IL1RN: variants seen among roughly 807,000 people sequenced by gnomAD.
IL1RN encodes the protein interleukin 1 receptor antagonist.
A neutral mutation model predicts 13.7 loss-of-function variants in IL1RN; 10 were observed. The observed-to-expected ratio is 0.73, with a 90% CI of 0.45 to 1.24. The LOEUF is 1.24. Among genes scored for constraint, IL1RN ranks in the 50% most tolerant of loss-of-function variants. The probability of loss-of-function intolerance (pLI) is 0.00; values close to 1 mark genes in which losing one functional copy is unlikely to be tolerated. For missense variants in IL1RN, 213 were observed against 222.1 expected (o/e 0.96, Z 0.26); for synonymous variants, 102 against 82.7 (o/e 1.23, Z -1.27).
rs928940 is a variant in IL1RN at position 113,119,918 on chromosome 2, G to T, written c.11-148G>T. Reference sequence around the variant, plus strand: ...AGAAAAGTTGACGGGGTGCATACTCGGACTGGAAACTGGAAGGGTGAGAAC... The same window carrying T: ...AGAAAAGTTGACGGGGTGCATACTCTGACTGGAAACTGGAAGGGTGAGAAC... On this transcript the variant is annotated intron_variant, in intron 1 of 5. Transcript: ENST00000259206. 0.82 allele frequency: 582,676 copies of T among 713,060 alleles called. 243,236 individuals are homozygous for T. The highest frequency in any genetic ancestry group is 0.88 in the South Asian group (56,139 of 63,546). 44.2% of individuals were successfully genotyped at this position (713,060 alleles called of 1,614,324 possible).
upstream of IL1RN, among the ~76,000 whole-genome samples, chr2:113,124,921 G>A (rs1389269264): frequency 2.0e-5 from 3 of 152,170 alleles, no homozygotes; most frequent in Non-Finnish European, 2.9e-5. Flanking sequence ...GGAGCCCCGA[G>A]CGTCTTTTCT....
At chr2:113,109,997 G>A (rs1686467982), upstream of IL1RN, among the ~76,000 whole-genome samples, 1 of 152,138 alleles carries the variant, frequency 6.6e-6, no homozygotes, top group Non-Finnish European at 1.5e-5. Flanking sequence ...CACCTCACCT[G>A]GAGACCTACT....
At chr2:113,128,753 T>A (rs924167486) in intron 1 of IL1RN, among the ~76,000 whole-genome samples, 1 of 152,150 alleles carries the variant, frequency 6.6e-6, no homozygotes, top group East Asian at 1.9e-4. Context: ...TGGGTACAGT[T>A]AGCCACACTT....
chr2:113,117,778 T>A, upstream of IL1RN: 1 of 598,802 alleles, frequency 1.7e-6, no homozygotes, highest in Non-Finnish European at 3.0e-6. Context: ...TGGGCCTGCT[T>A]GGCATCAAGT....
chr2:113,119,966 A>T, intron 1 of IL1RN: 2 of 902,358 alleles, frequency 2.2e-6, no homozygotes, highest in Non-Finnish European at 3.6e-6. Context: ...ATAGAGATGG[A>T]ACCATGTGCA....
upstream of IL1RN, among the ~76,000 whole-genome samples, chr2:113,106,889 T>A (rs1017897561): frequency 4.9e-5 from 5 of 102,356 alleles, no homozygotes; most frequent in Non-Finnish European, 9.6e-5. Context: ...ACTGGCATAT[T>A]TGAGAAAGAA....
At chr2:113,100,618 G>A in the IL1RN span, among the ~76,000 whole-genome samples, 1 of 152,184 alleles carries the variant, frequency 6.6e-6, no homozygotes, top group African/African-American at 2.4e-5. Context: ...TCGCACAGAT[G>A]CAGAAACTGA....
upstream of IL1RN, among the ~76,000 whole-genome samples, chr2:113,125,622 T>C (rs186690585): frequency 3.8e-4 from 58 of 152,332 alleles, no homozygotes; most frequent in Non-Finnish European, 7.1e-4. Flanking sequence ...ACACAAAGTG[T>C]TTGATTCTGA....
chr2:113,105,261 G>C (rs1404569923), upstream of IL1RN, among the ~76,000 whole-genome samples: 1 of 152,180 alleles, frequency 6.6e-6, no homozygotes, highest in Non-Finnish European at 1.5e-5. Context: ...AGGGGCTACT[G>C]CTAGCCTAGC....
At chr2:113,117,764 A>T, upstream of IL1RN, 1 of 593,874 alleles carries the variant, frequency 1.7e-6, no homozygotes, top group Non-Finnish European at 3.0e-6. Context: ...ACCCTCCTGG[A>T]AACTGGGCCT....
intron 1 of IL1RN, chr2:113,118,169 G>C (rs1398373092): frequency 1.4e-5 from 19 of 1,334,398 alleles, no homozygotes; most frequent in Non-Finnish European, 1.8e-5. Flanking sequence ...AGGCCTGTCT[G>C]GGGGATCTGG....
At chr2:113,116,836 T>C (rs1686605112), upstream of IL1RN, among the ~76,000 whole-genome samples, 1 of 152,214 alleles carries the variant, frequency 6.6e-6, no homozygotes, top group South Asian at 2.1e-4. Context: ...TTTTATGTAC[T>C]GCGTGTCATT....
chr2:113,128,072 G>A (rs141614777), intron 1 of IL1RN, among the ~76,000 whole-genome samples: 1 of 152,194 alleles, frequency 6.6e-6, no homozygotes, highest in Non-Finnish European at 1.5e-5. Flanking sequence ...GGCACCAGGG[G>A]CACAGCCCGA....
At chr2:113,118,762 C>A (rs1284267869) in intron 1 of IL1RN, among the ~76,000 whole-genome samples, 1 of 152,168 alleles carries the variant, frequency 6.6e-6, no homozygotes, top group Non-Finnish European at 1.5e-5. Flanking sequence ...TGAGGCTGGG[C>A]GTGGTGGCTC....
upstream of IL1RN, among the ~76,000 whole-genome samples, chr2:113,103,137 G>A (rs1166378226): frequency 6.6e-6 from 1 of 152,214 alleles, no homozygotes; most frequent in Non-Finnish European, 1.5e-5. Context: ...GTGGGCACAT[G>A]GCCTGGTGCT....
At chr2:113,101,940 T>C in the IL1RN span, among the ~76,000 whole-genome samples, 38 of 152,214 alleles carry the variant, frequency 2.5e-4, no homozygotes, top group Non-Finnish European at 3.8e-4. Flanking sequence ...GCTAATTTTG[T>C]ATTTTTAGTA....
intron 1 of IL1RN, 32 bp downstream of exon 1, chr2:113,127,772 G>A (rs933184868): frequency 1.9e-6 from 3 of 1,607,338 alleles, no homozygotes; most frequent in Non-Finnish European, 2.6e-6. Context: ...GAAGGTGAGG[G>A]TGGATCAGCT....
chr2:113,123,176 A>G (rs1264959059), upstream of IL1RN, among the ~76,000 whole-genome samples: 1 of 152,220 alleles, frequency 6.6e-6, no homozygotes, highest in East Asian at 1.9e-4. Flanking sequence ...CCTCTGGCCT[A>G]GGTTGTTTAT....
At position 113,129,796 on chromosome 2, in the gene IL1RN, T is replaced by C. The variant is rs4252013; in HGVS notation, c.205+132T>C. 2,043 of 729,728 alleles carry C rather than the reference T, an allele frequency of 2.8e-3. 40 individuals are homozygous for C. In the East Asian group the frequency reaches 0.046, roughly 16 times the overall value. 45.2% of individuals were successfully genotyped at this position (729,728 alleles called of 1,614,324 possible). A position where few individuals can be genotyped will look rare whatever the true frequency, so the allele number is the denominator to read the frequency against. On this transcript the variant is annotated intron_variant, in intron 2 of 3. Coordinates refer to ENST00000409930, the MANE Select transcript of IL1RN (RefSeq NM_173842.3). ...TCCTTGTTGGGTCTTTGTATTCAAG[T>C]TTGAAGCTGGGAGGGCCTGGCTACT... is the stretch of plus-strand genomic sequence containing the variant.
Sources: allele counts gnomAD v4.1 joint callset (sites outside exome capture counted in the v4.1 genomes callset), GRCh38; gene constraint gnomAD v4.1.1; transcripts MANE v1.5; gene names NCBI Gene and HGNC (gene_info 2026-07-23, HGNC 2026-07-21).